The following CDC42SE2 variants were observed in gnomAD, a reference collection of about 807,000 sequenced individuals.
CDC42SE2 encodes the protein CDC42 small effector protein 2.
A neutral mutation model predicts 11.5 loss-of-function variants in CDC42SE2; 3 were observed. The observed-to-expected ratio is 0.26, with a 90% CI of 0.12 to 0.67. CDC42SE2 has a LOEUF of 0.67. Ranked by LOEUF, CDC42SE2 falls within the 30% of genes least tolerant of loss-of-function variation. The pLI is 0.80. For synonymous variants in CDC42SE2, 33 were observed against 34.8 expected (o/e 0.95, Z 0.18); for missense variants, 82 against 106.8 (o/e 0.77, Z 1.02).
intron 1 of CDC42SE2, among the ~76,000 whole-genome samples, chr5:131,289,482 C>T (rs1016072454): frequency 3.3e-5 from 5 of 152,044 alleles, no homozygotes; most frequent in Non-Finnish European, 5.9e-5. Flanking sequence ...ACCATCCTGG[C>T]GAACATGGTG....
intron 1 of CDC42SE2, among the ~76,000 whole-genome samples, chr5:131,314,807 C>G (rs1001700545): frequency 6.6e-6 from 1 of 152,068 alleles, no homozygotes; most frequent in African/African-American, 2.4e-5. Context: ...TTCATTTTTC[C>G]TTTAATGAAA....
chr5:131,312,802 CA>C (rs1159555906), intron 1 of CDC42SE2, among the ~76,000 whole-genome samples: 2 of 152,094 alleles, frequency 1.3e-5, no homozygotes, highest in African/African-American at 4.8e-5. Context: ...CTTTGGCTTG[CA>C]AACGGTGTGC....
chr5:131,349,415 A>C (rs1232829248), intron 2 of CDC42SE2, among the ~76,000 whole-genome samples: 1 of 152,182 alleles, frequency 6.6e-6, no homozygotes, highest in African/African-American at 2.4e-5. Flanking sequence ...AGTGCAGCAC[A>C]CCAACATGGC....
intron 2 of CDC42SE2, among the ~76,000 whole-genome samples, chr5:131,335,999 G>T (rs1042034632): frequency 2.0e-5 from 3 of 152,184 alleles, no homozygotes; most frequent in African/African-American, 7.2e-5. Flanking sequence ...GTGTGAGTTT[G>T]ATCCTGTCGT....
chr5:131,373,201 T>G (rs73249301), intron 3 of CDC42SE2, among the ~76,000 whole-genome samples: 1,751 of 152,212 alleles, frequency 0.012, 39 homozygotes, highest in African/African-American at 0.037. Flanking sequence ...GAAACCCTAC[T>G]TCACAAGACA....
At chr5:131,289,491 T>G (rs1401152969) in intron 1 of CDC42SE2, among the ~76,000 whole-genome samples, 2 of 152,022 alleles carry the variant, frequency 1.3e-5, no homozygotes, top group Non-Finnish European at 2.9e-5. Flanking sequence ...GCGAACATGG[T>G]GAAACCCTGT....
chr5:131,384,276 T>C lies in CDC42SE2; in HGVS notation c.55-1267T>C, dbSNP rs544825660. 4.6e-5 allele frequency among the ~76,000 whole-genome samples: 7 copies of C among 152,328 alleles called. No homozygotes were observed. In the East Asian group the frequency reaches 5.8e-4, roughly 13 times the overall value. ...ACAATGTATATGGACTTCTAAAATA[T>C]ATGCATGGGCTCGCCACTTTTGTGG... On this transcript the variant is annotated intron_variant, in intron 3 of 4. Transcript: ENST00000505065.
At chr5:131,369,577 G>T (rs1033566469) in intron 3 of CDC42SE2, among the ~76,000 whole-genome samples, 1 of 152,082 alleles carries the variant, frequency 6.6e-6, no homozygotes, top group Admixed American at 6.5e-5. Context: ...TTCAACACGT[G>T]GTATTTTCAG....
chr5:131,370,906 T>A (rs1440310777), intron 3 of CDC42SE2, among the ~76,000 whole-genome samples: 2 of 152,152 alleles, frequency 1.3e-5, no homozygotes, highest in Non-Finnish European at 2.9e-5. Flanking sequence ...AGGATTGGGT[T>A]CTGATTCTCA....
At chr5:131,295,071 G>C (rs909421184) in intron 1 of CDC42SE2, among the ~76,000 whole-genome samples, 1 of 151,736 alleles carries the variant, frequency 6.6e-6, no homozygotes, top group African/African-American at 2.4e-5. Flanking sequence ...AGGTTGCAGT[G>C]AGCCGAGATC....
chr5:131,312,047 G>A (rs533605001), intron 1 of CDC42SE2, among the ~76,000 whole-genome samples: 12 of 152,106 alleles, frequency 7.9e-5, no homozygotes, highest in Non-Finnish European at 1.5e-4. Context: ...CAGTTTTTCC[G>A]TTCTGTTTTT....
intron 1 of CDC42SE2, among the ~76,000 whole-genome samples, chr5:131,296,322 C>T (rs770570952): frequency 6.6e-6 from 1 of 152,132 alleles, no homozygotes; most frequent in Admixed American, 6.6e-5. Context: ...CAAATGGAGG[C>T]TGTATTCATT....
intron 1 of CDC42SE2, among the ~76,000 whole-genome samples, chr5:131,272,564 T>G (rs1330480960): frequency 6.6e-6 from 1 of 152,164 alleles, no homozygotes; most frequent in Non-Finnish European, 1.5e-5. Context: ...CTTTCTCCTT[T>G]TAAGGACATT....
At chr5:131,342,569 T>C (rs892751752) in intron 2 of CDC42SE2, among the ~76,000 whole-genome samples, 3 of 151,502 alleles carry the variant, frequency 2.0e-5, no homozygotes, top group African/African-American at 7.3e-5. Context: ...TTTGTATTTT[T>C]AGTAGAGATG....
At chr5:131,262,758 GTTATA>G (rs1048432026), upstream of CDC42SE2, among the ~76,000 whole-genome samples, 34 of 152,072 alleles carry the variant, frequency 2.2e-4, no homozygotes, top group African/African-American at 8.2e-4. Flanking sequence ...GTAAATAGCT[GTTATA>G]TTGTATTGGT....
upstream of CDC42SE2, chr5:131,261,354 A>G (rs923537920): frequency 7.2e-5 from 11 of 152,248 alleles, no homozygotes; most frequent in African/African-American, 2.7e-4. Flanking sequence ...GTATTATTGT[A>G]ATTACAAACT....
chr5:131,386,095 C>G (rs1750476267), intron 4 of CDC42SE2, among the ~76,000 whole-genome samples: 1 of 152,206 alleles, frequency 6.6e-6, no homozygotes, highest in Non-Finnish European at 1.5e-5. Context: ...TTTTTGGCAC[C>G]AGGGACCAGT....
chr5:131,308,442 C>G (rs1484669295), intron 1 of CDC42SE2, among the ~76,000 whole-genome samples: 2 of 151,782 alleles, frequency 1.3e-5, no homozygotes. Context: ...TTTTTTGGTT[C>G]CATATGAACT....
chr5:131,334,516 A>T (rs1023193117), intron 2 of CDC42SE2, among the ~76,000 whole-genome samples: 4 of 152,030 alleles, frequency 2.6e-5, no homozygotes, highest in African/African-American at 9.7e-5. Flanking sequence ...TTTTCTATTG[A>T]TTGGAATAGT....
Sources: allele counts gnomAD v4.1 joint callset (sites outside exome capture counted in the v4.1 genomes callset), GRCh38; gene constraint gnomAD v4.1.1; transcripts MANE v1.5; gene names NCBI Gene and HGNC (gene_info 2026-07-23, HGNC 2026-07-21).